Variants in COL3A1 observed in about 807,000 individuals in gnomAD.
COL3A1 encodes the protein collagen type III alpha 1 chain, also known as collagen alpha-1(III) chain.
Under a neutral mutation model 200.9 loss-of-function variants are expected in COL3A1, and 46 were observed. The observed-to-expected ratio is 0.23, with a 90% CI of 0.18 to 0.29. The LOEUF (loss-of-function observed/expected upper bound fraction) is 0.29, where lower values mean the gene tolerates loss of function less well. Ranked by LOEUF, COL3A1 falls within the 10% of genes least tolerant of loss-of-function variation. The probability of loss-of-function intolerance (pLI) is 1.00; values close to 1 mark genes in which losing one functional copy is unlikely to be tolerated. For missense variants in COL3A1, 1,367 were observed against 1,917.6 expected (o/e 0.71, Z 5.36); for synonymous variants, 650 against 628.0 (o/e 1.03, Z -0.52).
chr2:189,002,460 C>A, intron 35 of COL3A1, 109 bp downstream of exon 35: 1 of 928,444 alleles, frequency 1.1e-6, no homozygotes, highest in South Asian at 1.4e-5. Flanking sequence ...TTTAGCTGCT[C>A]ATTCCCTATA....
chr2:189,011,498 A>T, intron 50 of COL3A1, 130 bp from the exon 51 acceptor site: 1 of 986,980 alleles, frequency 1.0e-6, no homozygotes, highest in Non-Finnish European at 1.6e-6. Flanking sequence ...AGCAGGTCTC[A>T]TATACATGAA....
chr2:188,986,324 C>A (rs1576461429), intron 4 of COL3A1, among the ~76,000 whole-genome samples: 1 of 151,920 alleles, frequency 6.6e-6, no homozygotes, highest in Non-Finnish European at 1.5e-5. Context: ...ATAAATATGA[C>A]AAAATTTCTG....
chr2:188,996,352 ATCT>A, intron 23 of COL3A1, 43 bp from the exon 24 acceptor site: 9 of 1,470,950 alleles, frequency 6.1e-6, no homozygotes, highest in Admixed American at 1.7e-5. Context: ...GCATGCTTTA[ATCT>A]TCTCTTTATC....
At chr2:189,002,171 G>T (rs1027310691) in intron 34 of COL3A1, 127 bp from the exon 35 acceptor site, 1 of 786,308 alleles carries the variant, frequency 1.3e-6, no homozygotes. Flanking sequence ...GTCTTCAGAA[G>T]TTTATTGGCT....
intron 1 of COL3A1, among the ~76,000 whole-genome samples, chr2:188,982,251 CAAT>C (rs1175195355): frequency 1.3e-5 from 2 of 151,692 alleles, no homozygotes; most frequent in Non-Finnish European, 3.0e-5. Context: ...AATTTAGAAA[CAAT>C]AAGCTAAATA....
chr2:189,004,573 T>G (rs1183552304), intron 40 of COL3A1, among the ~76,000 whole-genome samples: 1 of 152,218 alleles, frequency 6.6e-6, no homozygotes, highest in Non-Finnish European at 1.5e-5. Context: ...ACCTTGAATA[T>G]AAACACAAAT....
At chr2:188,998,836 G>A in intron 29 of COL3A1, 118 bp downstream of exon 29, 1 of 941,572 alleles carries the variant, frequency 1.1e-6, no homozygotes, top group South Asian at 1.4e-5. Context: ...CATTGCAAAT[G>A]TTTGGTAAGT....
At position 189,004,089 on chromosome 2, in the gene COL3A1, A is replaced by G. The variant is rs1433394119; in HGVS notation, c.2769A>G (p.Lys923=). Residue 923 remains lysine (K), a synonymous_variant, in exon 39 of 51, where the codon AAA becomes AAG. Coordinates refer to ENST00000304636, the MANE Select transcript of COL3A1 (RefSeq NM_000090.4). The part of the protein sequence containing the change: ...APGSPGVSGP[K]GDAGQPGEKG... ...GCAGCCCTGGAGTGTCTGGACCAAA[A>G]GGTGATGCTGGCCAACCAGGAGAGA... 6.2e-7 allele frequency: 1 copy of G among 1,613,622 alleles called. No individual in the cohort carries two copies. The highest frequency in any genetic ancestry group is 8.5e-7 in the Non-Finnish European group (1 of 1,179,996).
chr2:188,987,738 G>T (rs116057341), intron 5 of COL3A1, among the ~76,000 whole-genome samples: 1,868 of 152,196 alleles, frequency 0.012, 32 homozygotes, highest in African/African-American at 0.043. Flanking sequence ...TGCCAAGCGA[G>T]AAATTGCTTC....
Position 188,985,181 on chromosome 2 carries a change from CT to C in COL3A1, c.283-12del. 4 of 1,611,474 alleles carry C rather than the reference CT, an allele frequency of 2.5e-6. No individual in the cohort carries two copies. The highest frequency in any genetic ancestry group is 3.4e-6 in the Non-Finnish European group (4 of 1,178,018). Reference sequence around the variant, plus strand: ...ATTCTGTGTCTTGTTTAACTTGTTTCTTTTCCATTTATTAGCCTACTCGCCC... The same window carrying C: ...ATTCTGTGTCTTGTTTAACTTGTTTCTTTCCATTTATTAGCCTACTCGCCC... On this transcript the variant is annotated splice_polypyrimidine_tract_variant and intron_variant, in intron 2 of 50. Transcript: ENST00000304636.
intron 12 of COL3A1, 22 bp from the exon 13 acceptor site, chr2:188,991,647 A>G (rs375832987): frequency 1.2e-6 from 2 of 1,613,692 alleles, no homozygotes; most frequent in Non-Finnish European, 8.5e-7. Flanking sequence ...GAGTAAAACC[A>G]TATTTCAATT....
intron 41 of COL3A1, 59 bp downstream of exon 41, chr2:189,005,516 G>T: frequency 7.0e-7 from 1 of 1,431,352 alleles, no homozygotes; most frequent in African/African-American, 1.4e-5. Flanking sequence ...TTTCAGCAAA[G>T]GTGAAATTGA....
chr2:189,008,966 C>T lies in COL3A1; in HGVS notation c.3568C>T (p.Pro1190Ser). The change falls in exon 48 of 51, where the codon CCT becomes TCT. Residue 1190 changes from proline (P) to serine (S), a missense_variant. Around this residue, in one of 5 missense-constraint regions of COL3A1, gnomAD observed 846 missense variants for 1,147.9 expected, o/e 0.74. Transcript: ENST00000304636. ...AGGGCAACCAGGCCCTCCTGGACCT[C>T]CTGGTGCCCCTGGTCCTTGCTGTGG... Reference protein sequence around the residue: ...HPGQPGPPGPPGAPGPCCGGV... With the variant: ...HPGQPGPPGPSGAPGPCCGGV... 1 of 1,614,178 alleles carries T rather than the reference C, an allele frequency of 6.2e-7. No homozygotes were observed. Among genetic ancestry groups the T allele is most frequent in the South Asian group, 1.1e-5 (1 of 91,078 alleles).
Position 189,007,627 on chromosome 2 carries a change from T to A in COL3A1, c.3363+20T>A. 1.3e-6 allele frequency: 2 copies of A among 1,588,250 alleles called. No individual in the cohort carries two copies. Among genetic ancestry groups the A allele is most frequent in the Non-Finnish European group, 1.7e-6 (2 of 1,160,734 alleles). On this transcript the variant is annotated intron_variant, in intron 45 of 50. Coordinates refer to ENST00000304636, the MANE Select transcript of COL3A1 (RefSeq NM_000090.4). Reference sequence around the variant, plus strand: ...TCTCCAGTAAGTGCATTCATTTTGTTGGAAAATCCCTTCAATGTATACAAA... The same window carrying A: ...TCTCCAGTAAGTGCATTCATTTTGTAGGAAAATCCCTTCAATGTATACAAA...
chr2:188,985,264 C>A lies in COL3A1; in HGVS notation c.333+17C>A. The A allele has an allele frequency of 6.3e-7, 1 of 1,594,068 alleles. No homozygotes were observed. The highest frequency in any genetic ancestry group is 1.1e-5 in the South Asian group (1 of 90,638). On this transcript the variant is annotated intron_variant, in intron 3 of 50. Transcript: ENST00000304636. ...GGAGATCCAGTAAGTAAACATTCTTCAGTAGAATAAAATTAATACTAATGA... is the reference window on the plus strand; with the variant it reads ...GGAGATCCAGTAAGTAAACATTCTTAAGTAGAATAAAATTAATACTAATGA...
chr2:189,003,892 C>T, intron 38 of COL3A1, 90 bp from the exon 39 acceptor site: 1 of 1,568,882 alleles, frequency 6.4e-7, no homozygotes, highest in African/African-American at 1.4e-5. Context: ...TCTAGTAAGT[C>T]TCAAATAAAA....
chr2:188,991,090 T>C, intron 11 of COL3A1, 33 bp downstream of exon 11: 1 of 1,582,284 alleles, frequency 6.3e-7, no homozygotes, highest in Non-Finnish European at 8.7e-7. Flanking sequence ...TTTTCATAAG[T>C]AAATTCATTA....
intron 36 of COL3A1, 57 bp downstream of exon 36, chr2:189,003,119 ATCTG>A: frequency 1.5e-6 from 2 of 1,315,720 alleles, no homozygotes; most frequent in Non-Finnish European, 2.1e-6. Context: ...TCTATTGATT[ATCTG>A]TCTATCTCTC....
chr2:188,976,011 GCCTCCTCACCCTTTCTTT>G (rs1687804372), intron 1 of COL3A1, among the ~76,000 whole-genome samples: 1 of 150,458 alleles, frequency 6.6e-6, no homozygotes, highest in South Asian at 2.1e-4. Flanking sequence ...CTCTCTCCTT[GCCTCCTCACCCTTTCTTT>G]CCCCTGAACT....
Sources: gnomAD v4.1 joint callset for allele counts (sites outside exome capture counted in the v4.1 genomes callset) on GRCh38, gnomAD v4.1.1 for gene constraint, gnomAD v4.1.1 regional missense constraint, MANE v1.5 for transcripts, NCBI Gene and HGNC (gene_info 2026-07-23, HGNC 2026-07-21) for gene names.